The following BACE2 variants were observed in gnomAD, a reference collection of about 807,000 sequenced individuals.
BACE2 encodes the protein 56 kDa aspartic-like protease.
BACE2 carries 17 observed loss-of-function variants against 46.2 expected under a neutral mutation model. The observed-to-expected ratio is 0.37, with a 90% CI of 0.25 to 0.55. The LOEUF (loss-of-function observed/expected upper bound fraction) is 0.55, where lower values mean the gene tolerates loss of function less well. Among genes scored for constraint, BACE2 ranks in the 20% least tolerant of loss-of-function variants. BACE2 has a pLI of 0.82. For synonymous variants in BACE2, 277 were observed against 295.9 expected, an observed-to-expected ratio of 0.94 and a Z score of 0.66; for missense variants, 595 against 698.1, an observed-to-expected ratio of 0.85 and a Z score of 1.66.
At chr21:41,241,208 C>T (rs569902530) in intron 3 of BACE2, among the ~76,000 whole-genome samples, 12 of 152,284 alleles carry the variant, frequency 7.9e-5, no homozygotes, top group African/African-American at 2.6e-4. Flanking sequence ...ACAGAGCACA[C>T]GAGGGCTTCT....
chr21:41,181,854 T>C (rs1284885963), intron 1 of BACE2: 1 of 166,996 alleles, frequency 6.0e-6, no homozygotes, highest in Non-Finnish European at 1.5e-5. Context: ...TGATGACAAA[T>C]CTGGCAGCCA....
At chr21:41,270,499 C>T (rs2088423575) in intron 8 of BACE2, among the ~76,000 whole-genome samples, 1 of 152,074 alleles carries the variant, frequency 6.6e-6, no homozygotes. Context: ...TCATTGCAGC[C>T]TCCATCTCCT....
intron 1 of BACE2, among the ~76,000 whole-genome samples, chr21:41,190,547 G>A (rs140070323): frequency 0.013 from 2,040 of 152,220 alleles, 47 homozygotes; most frequent in African/African-American, 0.047. Flanking sequence ...GGTTGTAGCC[G>A]GTATTGATGA....
intron 2 of BACE2, among the ~76,000 whole-genome samples, chr21:41,231,519 C>G (rs531135657): frequency 6.6e-6 from 1 of 152,316 alleles, no homozygotes; most frequent in East Asian, 1.9e-4. Context: ...GCACATCCAC[C>G]TTCTCTTTTC....
rs139156985 is a variant in BACE2, at chr21:41,257,211, C to T, written c.1188C>T (p.Phe396=). Residue 396 remains phenylalanine (F), a synonymous_variant, in exon 8 of 9, where the codon TTC becomes TTT. Coordinates refer to ENST00000330333, the MANE Select transcript of BACE2 (RefSeq NM_012105.5). ...GAGLNYECYR[F]GISPSTNALV... ...GCCTGAATTATGAATGTTACCGATT[C>T]GGCATTTCCCCATCCACAAATGCGC... 6.8e-6 allele frequency: 11 copies of T among 1,614,066 alleles called. No individual in the cohort carries two copies. Among genetic ancestry groups the T allele is most frequent in the African/African-American group, 2.7e-5 (2 of 74,920 alleles).
At chr21:41,239,111 G>T (rs1987216709) in intron 3 of BACE2, among the ~76,000 whole-genome samples, 1 of 150,808 alleles carries the variant, frequency 6.6e-6, no homozygotes, top group African/African-American at 2.4e-5. Context: ...GGAGCAATAG[G>T]CCCCCACTGT....
At chr21:41,238,602 A>G (rs965606278) in intron 3 of BACE2, among the ~76,000 whole-genome samples, 2 of 152,000 alleles carry the variant, frequency 1.3e-5, no homozygotes, top group Admixed American at 6.6e-5. Context: ...GCACCTATAC[A>G]CCATGGAATA....
chr21:41,200,136 A>G (rs1985909621), intron 1 of BACE2, among the ~76,000 whole-genome samples: 1 of 151,684 alleles, frequency 6.6e-6, no homozygotes, highest in African/African-American at 2.4e-5. Flanking sequence ...ACATGTATAC[A>G]TATGTAACAA....
chr21:41,189,910 A>G (rs920124913), intron 1 of BACE2, among the ~76,000 whole-genome samples: 1 of 152,212 alleles, frequency 6.6e-6, no homozygotes, highest in Admixed American at 6.5e-5. Flanking sequence ...CTGAGTCTCA[A>G]AACTGAAGAA....
Position 41,275,656 on chromosome 21 carries a change from C to T in BACE2, c.*32C>T. 2 of 1,606,826 alleles carry T rather than the reference C, an allele frequency of 1.2e-6. No homozygotes were observed. The highest frequency in any genetic ancestry group is 1.7e-6 in the Non-Finnish European group (2 of 1,175,176). ...AGGCCTGACCTCAAGCAACCATGAA[C>T]TCAGCTATTAAGAAAATCACATTTC... On this transcript the variant is annotated 3_prime_UTR_variant, in exon 9 of 9. Transcript: ENST00000330333.
rs753418643 is a variant in BACE2 at position 41,191,104 on chromosome 21, GA to G, written c.312+22530del. On this transcript the variant is annotated intron_variant, in intron 1 of 8. Transcript: ENST00000330333. ...TTCCACTTCCAACCCTTGATTCCTG[GA>G]CCCGTGAATCCTGGCTATGGGAGAA... 8.5e-5 allele frequency among the ~76,000 whole-genome samples: 13 copies of G among 152,248 alleles called. No individual in the cohort carries two copies. The South Asian group carries it at 2.7e-3, about 32-fold the overall frequency.
rs904943370 is a variant in BACE2 at position 41,278,171 on chromosome 21, G to T, written c.*2547G>T. On this transcript the variant is annotated 3_prime_UTR_variant, in exon 9 of 9. Coordinates refer to ENST00000330333, the MANE Select transcript of BACE2 (RefSeq NM_012105.5). ...TGGAAGACGGTCCTTGCCTGAAAAG[G>T]TGCAACTTAGCATTAGGTTGTTATC... 2 of 152,230 alleles carry T rather than the reference G, an allele frequency of 1.3e-5. No individual in the cohort carries two copies. The highest frequency in any genetic ancestry group is 2.4e-5 in the African/African-American group (1 of 41,458). 9.4% of individuals were successfully genotyped at this position (152,230 alleles called of 1,614,324 possible).
chr21:41,235,011 A>G (rs1390585610), intron 2 of BACE2, among the ~76,000 whole-genome samples: 1 of 152,216 alleles, frequency 6.6e-6, no homozygotes, highest in East Asian at 1.9e-4. Context: ...CCATCTTTAT[A>G]TTCTGTACCC....
At chr21:41,258,165 G>T (rs1987839982) in intron 8 of BACE2, among the ~76,000 whole-genome samples, 1 of 152,222 alleles carries the variant, frequency 6.6e-6, no homozygotes, top group African/African-American at 2.4e-5. Flanking sequence ...TGGTACATTG[G>T]GTTTGAAGTC....
chr21:41,267,799 A>T (rs563101276), intron 8 of BACE2, among the ~76,000 whole-genome samples: 2 of 152,128 alleles, frequency 1.3e-5, no homozygotes, highest in Non-Finnish European at 2.9e-5. Flanking sequence ...GCAGAAAAAA[A>T]ATCTGGCTCT....
chr21:41,213,616 A>T (rs1263018649), intron 1 of BACE2, among the ~76,000 whole-genome samples: 10 of 152,274 alleles, frequency 6.6e-5, no homozygotes, highest in African/African-American at 2.4e-4. Flanking sequence ...CTACTAAAAT[A>T]CAAAAAAATT....
intron 8 of BACE2, among the ~76,000 whole-genome samples, chr21:41,262,724 C>T (rs760383519): frequency 6.6e-6 from 1 of 152,108 alleles, no homozygotes; most frequent in Non-Finnish European, 1.5e-5. Context: ...CAAAAAGATT[C>T]ACACATAGAC....
chr21:41,262,850 A>G (rs892966332), intron 8 of BACE2, among the ~76,000 whole-genome samples: 3 of 152,124 alleles, frequency 2.0e-5, no homozygotes, highest in African/African-American at 7.2e-5. Context: ...TTAATCTTCT[A>G]TCCAGCCACA....
intron 8 of BACE2, among the ~76,000 whole-genome samples, chr21:41,264,087 T>C (rs1353780288): frequency 6.6e-6 from 1 of 152,230 alleles, no homozygotes; most frequent in Non-Finnish European, 1.5e-5. Flanking sequence ...CATTTTATAT[T>C]GGCCTAATTC....
Sources: gnomAD v4.1 joint callset for allele counts (sites outside exome capture counted in the v4.1 genomes callset) on GRCh38, gnomAD v4.1.1 for gene constraint, MANE v1.5 for transcripts, NCBI Gene and HGNC (gene_info 2026-07-23, HGNC 2026-07-21) for gene names.